Variants in IL1RAP observed in about 807,000 individuals in gnomAD.
IL1RAP encodes interleukin-1 receptor accessory protein.
A neutral mutation model predicts 60.7 loss-of-function variants in IL1RAP; 35 were observed. That is an observed-to-expected ratio of 0.58 (90% confidence interval 0.44 to 0.76). IL1RAP has a LOEUF of 0.76. Ranked by LOEUF, IL1RAP falls within the 30% of genes least tolerant of loss-of-function variation. The pLI is 0.00. For missense variants in IL1RAP, 572 were observed against 693.9 expected (o/e 0.82, Z 1.97); for synonymous variants, 268 against 250.9 (o/e 1.07, Z -0.64).
chr3:190,634,438 G>A (rs1286307962), intron 9 of IL1RAP, among the ~76,000 whole-genome samples: 4 of 151,370 alleles, frequency 2.6e-5, no homozygotes, highest in African/African-American at 7.3e-5. Flanking sequence ...AGAGGCACCC[G>A]CCACCATACC....
In IL1RAP at chr3:190,645,718, T is replaced by G. The variant is rs1444721240; in HGVS notation, c.1221T>G (p.Ile407Met). The change falls in exon 11 of 12, where the codon ATT becomes ATG. Residue 407 changes from isoleucine (I) to methionine (M), a missense_variant. Coordinates refer to ENST00000447382, the MANE Select transcript of IL1RAP (RefSeq NM_002182.4). ...TGCTAGATGGAAAAGAGTATGATAT[T>G]TATGTATCCTATGCAAGGAATGCGG... ...ETILDGKEYD[I>M]YVSYARNAEE... The G allele has an allele frequency of 6.2e-7, 1 of 1,611,946 alleles. No individual in the cohort carries two copies. Among genetic ancestry groups the G allele is most frequent in the African/African-American group, 1.3e-5 (1 of 74,878 alleles).
intron 4 of IL1RAP, among the ~76,000 whole-genome samples, chr3:190,606,745 G>A (rs756593355): frequency 1.3e-5 from 2 of 152,148 alleles, no homozygotes; most frequent in Non-Finnish European, 2.9e-5. Flanking sequence ...TCTGGTAGGA[G>A]CACTACTAGG....
rs551405211 is a variant in IL1RAP at position 190,651,394 on chromosome 3, A to T, written c.*2689A>T. Reference sequence around the variant, plus strand: ...CATTAATTACTTATTTTCTTTCCATAGGTTTTAATATTTTGAGAGTGTCTT... The same window carrying T: ...CATTAATTACTTATTTTCTTTCCATTGGTTTTAATATTTTGAGAGTGTCTT... On this transcript the variant is annotated 3_prime_UTR_variant, in exon 12 of 12. Coordinates refer to ENST00000447382, the MANE Select transcript of IL1RAP (RefSeq NM_002182.4). The T allele has an allele frequency of 1.3e-6, 1 of 765,614 alleles. No individual in the cohort carries two copies. Among genetic ancestry groups the T allele is most frequent in the South Asian group, 6.0e-5 (1 of 16,678 alleles). The allele number at this position is 765,614 out of a possible 1,614,324, so 47.4% of individuals were successfully genotyped here. A position where few individuals can be genotyped will look rare whatever the true frequency, so the allele number is the denominator to read the frequency against.
At chr3:190,565,782 T>A (rs1726335342) in intron 3 of IL1RAP, among the ~76,000 whole-genome samples, 2 of 152,204 alleles carry the variant, frequency 1.3e-5, no homozygotes, top group African/African-American at 2.4e-5. Context: ...AATATAATTC[T>A]TGATTTTAGT....
intron 3 of IL1RAP, among the ~76,000 whole-genome samples, chr3:190,589,871 T>C (rs1228798977): frequency 6.6e-6 from 1 of 152,200 alleles, no homozygotes; most frequent in African/African-American, 2.4e-5. Flanking sequence ...TTCACTGACG[T>C]ATCCTTGGTA....
intron 9 of IL1RAP, among the ~76,000 whole-genome samples, chr3:190,636,066 G>T (rs761546716): frequency 6.6e-6 from 1 of 152,074 alleles, no homozygotes; most frequent in Non-Finnish European, 1.5e-5. Context: ...TGTGTCCAAA[G>T]AACATACTTT....
In IL1RAP at chr3:190,555,776, T is replaced by C. The variant is rs1470784687; in HGVS notation, c.-88-354T>C. 2.0e-5 allele frequency: 3 copies of C among 152,174 alleles called. No individual in the cohort carries two copies. In the East Asian group the frequency reaches 5.8e-4, roughly 29 times the overall value. 9.4% of individuals were successfully genotyped at this position (152,174 alleles called of 1,614,324 possible). A position where few individuals can be genotyped will look rare whatever the true frequency, so the allele number is the denominator to read the frequency against. Reference sequence around the variant, plus strand: ...TTCCTCCAGACTGTCCAGAGCATGATACATATTTGCTGAGTGAATTAAAAG... The same window carrying C: ...TTCCTCCAGACTGTCCAGAGCATGACACATATTTGCTGAGTGAATTAAAAG... On this transcript the variant is annotated intron_variant, in intron 1 of 11. Transcript: ENST00000447382.
At position 190,648,415 on chromosome 3, in the gene IL1RAP, C is replaced by T; in HGVS notation, c.1423C>T (p.Gln475Ter). Residue 475 changes from glutamine to a stop codon, truncating the protein, a stop_gained, in exon 12 of 12, where the codon CAG (glutamine) becomes TAG (stop). Transcript: ENST00000447382. LOFTEE classifies it high-confidence loss of function. ...LVVLSPNYVL[Q>*]GTQALLELKA... is the part of the protein sequence containing the mutation. ...TGTTCTAAGCCCCAACTACGTGCTC[C>T]AGGGAACCCAAGCCCTCCTGGAGCT... The T allele has an allele frequency of 6.2e-7, 1 of 1,614,048 alleles. No individual in the cohort carries two copies. Among genetic ancestry groups the T allele is most frequent in the African/African-American group, 1.3e-5 (1 of 75,040 alleles).
chr3:190,646,504 A>C (rs1430558793), intron 11 of IL1RAP, among the ~76,000 whole-genome samples: 1 of 152,228 alleles, frequency 6.6e-6, no homozygotes, highest in Non-Finnish European at 1.5e-5. Context: ...AGAAGGTTTA[A>C]AAAGAAAGGA....
chr3:190,522,763 T>TAGAC (rs1722199055), intron 1 of IL1RAP, among the ~76,000 whole-genome samples: 1 of 152,164 alleles, frequency 6.6e-6, no homozygotes, highest in Admixed American at 6.5e-5. Context: ...TAGGAGGAAT[T>TAGAC]AGACCAGTGA....
At chr3:190,571,367 A>G (rs1305275671) in intron 3 of IL1RAP, among the ~76,000 whole-genome samples, 2 of 152,016 alleles carry the variant, frequency 1.3e-5, no homozygotes, top group African/African-American at 2.4e-5. Context: ...AATTAAAAAA[A>G]TAGCTGAGTA....
exon 12 of IL1RAP, chr3:190,658,740 C>T (rs1443896861): frequency 6.6e-6 from 1 of 152,180 alleles, no homozygotes; most frequent in African/African-American, 2.4e-5. Context: ...CTCACTACCC[C>T]TCTTGAAAAT....
chr3:190,607,693 G>A (rs1338851750), intron 4 of IL1RAP, among the ~76,000 whole-genome samples: 1 of 152,146 alleles, frequency 6.6e-6, no homozygotes, highest in Admixed American at 6.5e-5. Context: ...TAGCACCAAT[G>A]TAATTCCCCA....
intron 3 of IL1RAP, among the ~76,000 whole-genome samples, chr3:190,583,047 G>T (rs1007598594): frequency 1.1e-4 from 17 of 152,250 alleles, no homozygotes; most frequent in African/African-American, 4.1e-4. Flanking sequence ...CCCATCTCCT[G>T]CCCTAATCAG....
rs566134903 is a variant in IL1RAP, at chr3:190,565,607, C to A, written c.64+1254C>A. On this transcript the variant is annotated intron_variant, in intron 3 of 11. Transcript: ENST00000447382. ...GCAGTAACTTCTAGCCTTGTTGGCCCTTTGGGGCTTCACAGAGGAATGGCT... is the reference window on the plus strand; with the variant it reads ...GCAGTAACTTCTAGCCTTGTTGGCCATTTGGGGCTTCACAGAGGAATGGCT... Among the ~76,000 whole-genome samples, 3 of 152,210 alleles carry A rather than the reference C, an allele frequency of 2.0e-5. No individual in the cohort carries two copies. The South Asian group carries it at 6.2e-4, about 32-fold the overall frequency.
intron 1 of IL1RAP, among the ~76,000 whole-genome samples, chr3:190,544,687 T>A (rs1724222656): frequency 1.3e-5 from 2 of 152,152 alleles, no homozygotes; most frequent in Non-Finnish European, 2.9e-5. Context: ...AGGAACCTGA[T>A]GATTGCAGAT....
At chr3:190,573,363 A>G (rs1317841543) in intron 3 of IL1RAP, among the ~76,000 whole-genome samples, 1 of 152,214 alleles carries the variant, frequency 6.6e-6, no homozygotes, top group Non-Finnish European at 1.5e-5. Flanking sequence ...TGTTTTTGCT[A>G]GTAGCAGTGT....
At chr3:190,520,723 T>G (rs990684000) in intron 1 of IL1RAP, among the ~76,000 whole-genome samples, 7 of 152,170 alleles carry the variant, frequency 4.6e-5, no homozygotes, top group African/African-American at 1.7e-4. Context: ...ACCTTTTATG[T>G]CTAGTTTATA....
chr3:190,564,388 C>A, intron 3 of IL1RAP, 35 bp downstream of exon 3: 2 of 1,391,732 alleles, frequency 1.4e-6, no homozygotes, highest in Non-Finnish European at 2.0e-6. Context: ...TATTAAAATG[C>A]AAGTCATGCG....
Sources: allele counts gnomAD v4.1 joint callset (sites outside exome capture counted in the v4.1 genomes callset), GRCh38; gene constraint gnomAD v4.1.1; transcripts MANE v1.5; gene names NCBI Gene and HGNC (gene_info 2026-07-23, HGNC 2026-07-21).